Variants in CDK14 observed in about 807,000 individuals in gnomAD.
CDK14 encodes the protein cyclin-dependent kinase 14.
A neutral mutation model predicts 60.7 loss-of-function variants in CDK14; 34 were observed. The ratio of observed to expected loss-of-function variants is 0.56; its 90% CI spans 0.43 to 0.75. The LOEUF is 0.75. CDK14 is among the 30% of genes least tolerant of loss of function. The pLI, the probability that CDK14 is intolerant of heterozygous loss-of-function variation, is 0.00. For synonymous variants in CDK14, 197 were observed against 203.7 expected, an observed-to-expected ratio of 0.97 and a Z score of 0.28; for missense variants, 482 against 564.1, an observed-to-expected ratio of 0.85 and a Z score of 1.47.
chr7:90,730,779 A>C (rs2056904822), intron 3 of CDK14, among the ~76,000 whole-genome samples: 1 of 152,194 alleles, frequency 6.6e-6, no homozygotes, highest in African/African-American at 2.4e-5. Flanking sequence ...ATAGATTATA[A>C]AAATTTTCTC....
intron 14 of CDK14, among the ~76,000 whole-genome samples, chr7:91,134,265 A>G (rs1800203212): frequency 6.6e-6 from 1 of 152,160 alleles, no homozygotes; most frequent in Non-Finnish European, 1.5e-5. Context: ...CCACTTGACT[A>G]TAGCTCAACA....
At chr7:91,070,596 C>CA (rs1371588722) in intron 11 of CDK14, among the ~76,000 whole-genome samples, 1 of 151,752 alleles carries the variant, frequency 6.6e-6, no homozygotes, top group Non-Finnish European at 1.5e-5. Flanking sequence ...TCACCTCTAC[C>CA]AAAAAAATTT....
chr7:91,004,714 G>A (rs1795932355), intron 10 of CDK14, among the ~76,000 whole-genome samples: 2 of 152,088 alleles, frequency 1.3e-5, no homozygotes, highest in South Asian at 4.2e-4. Flanking sequence ...AATTAATATT[G>A]AAATTAATGA....
intron 6 of CDK14, among the ~76,000 whole-genome samples, chr7:90,895,554 T>G (rs1283535116): frequency 1.4e-4 from 5 of 37,016 alleles, no homozygotes; most frequent in African/African-American, 4.1e-4. Context: ...CCCTCCCCTC[T>G]CCTCCCCTCC....
chr7:91,101,007 T>A (rs951848949), intron 12 of CDK14, among the ~76,000 whole-genome samples: 2 of 152,114 alleles, frequency 1.3e-5, no homozygotes, highest in Non-Finnish European at 2.9e-5. Context: ...ATTCGTATGA[T>A]TATTCATCTT....
chr7:90,981,527 A>T (rs768135032), intron 9 of CDK14, among the ~76,000 whole-genome samples: 3 of 152,224 alleles, frequency 2.0e-5, no homozygotes, highest in Non-Finnish European at 4.4e-5. Flanking sequence ...CTGCAAATAC[A>T]TTACTTCTTT....
chr7:90,810,650 C>T (rs60006971), intron 5 of CDK14, among the ~76,000 whole-genome samples: 2,329 of 152,156 alleles, frequency 0.015, 49 homozygotes, highest in African/African-American at 0.052. Flanking sequence ...AAAGGGTATT[C>T]AATTAGGAAA....
intron 5 of CDK14, among the ~76,000 whole-genome samples, chr7:90,859,066 TAA>T (rs1790920882): frequency 6.6e-6 from 1 of 152,220 alleles, no homozygotes; most frequent in Non-Finnish European, 1.5e-5. Flanking sequence ...TGTGCAAAAC[TAA>T]GTTTCTCCTG....
chr7:90,941,317 G>T (rs924745690), intron 8 of CDK14, among the ~76,000 whole-genome samples: 1 of 152,098 alleles, frequency 6.6e-6, no homozygotes, highest in South Asian at 2.1e-4. Context: ...GACATGCCAG[G>T]CCCACCCTGT....
At chr7:91,058,350 A>C (rs937797105) in intron 11 of CDK14, among the ~76,000 whole-genome samples, 2 of 151,288 alleles carry the variant, frequency 1.3e-5, no homozygotes, top group African/African-American at 2.4e-5. Context: ...TGTCATCTGC[A>C]AACAGGGACA....
intron 2 of CDK14, among the ~76,000 whole-genome samples, chr7:90,657,933 T>C (rs1800783997): frequency 6.6e-6 from 1 of 152,238 alleles, no homozygotes; most frequent in East Asian, 1.9e-4. Context: ...TCCACATCTT[T>C]GCTCCTTCTG....
At chr7:90,663,227 G>A (rs1384311605) in intron 2 of CDK14, among the ~76,000 whole-genome samples, 1 of 152,098 alleles carries the variant, frequency 6.6e-6, no homozygotes, top group Non-Finnish European at 1.5e-5. Context: ...TTCACTTCAT[G>A]TGTATTGCTT....
chr7:91,009,911 G>A (rs963452553), intron 10 of CDK14, among the ~76,000 whole-genome samples: 1 of 151,976 alleles, frequency 6.6e-6, no homozygotes, highest in Non-Finnish European at 1.5e-5. Context: ...ATAGTTTTAG[G>A]TTTTATGTTT....
chr7:90,690,356 C>G (rs1801529034), intron 2 of CDK14, among the ~76,000 whole-genome samples: 1 of 152,088 alleles, frequency 6.6e-6, no homozygotes, highest in South Asian at 2.1e-4. Context: ...ATTTGGTGGC[C>G]TTTTTAGTGC....
chr7:90,711,620 A>G (rs1407461253), intron 2 of CDK14, among the ~76,000 whole-genome samples: 1 of 152,094 alleles, frequency 6.6e-6, no homozygotes, highest in Non-Finnish European at 1.5e-5. Flanking sequence ...GCCACCCACT[A>G]TGTGTAAAAC....
intron 10 of CDK14, among the ~76,000 whole-genome samples, chr7:90,998,681 G>A (rs1169402807): frequency 2.0e-5 from 3 of 152,314 alleles, no homozygotes; most frequent in Middle Eastern, 3.4e-3. Flanking sequence ...GAAGTCAGGA[G>A]ATCAAGATCG....
At chr7:90,962,222 C>T (rs930215107) in intron 9 of CDK14, among the ~76,000 whole-genome samples, 1 of 152,046 alleles carries the variant, frequency 6.6e-6, no homozygotes, top group Non-Finnish European at 1.5e-5. Flanking sequence ...CATGGTGGCT[C>T]ACAACTGTAA....
intron 5 of CDK14, among the ~76,000 whole-genome samples, chr7:90,801,931 A>G (rs1340632497): frequency 1.3e-5 from 2 of 152,164 alleles, no homozygotes; most frequent in African/African-American, 2.4e-5. Flanking sequence ...CTGCCAAAAG[A>G]GAACTCAGGT....
intron 14 of CDK14, among the ~76,000 whole-genome samples, chr7:91,164,543 A>T (rs1584150863): frequency 6.6e-6 from 1 of 152,338 alleles, no homozygotes; most frequent in South Asian, 2.1e-4. Context: ...AGGATGAAAG[A>T]TGGCTCCTCC....
Sources: gnomAD v4.1 joint callset for allele counts (sites outside exome capture counted in the v4.1 genomes callset) on GRCh38, gnomAD v4.1.1 for gene constraint, MANE v1.5 for transcripts, NCBI Gene and HGNC (gene_info 2026-07-23, HGNC 2026-07-21) for gene names.